The following CSMD1 variants were observed in gnomAD, a reference collection of about 807,000 sequenced individuals.
CSMD1 encodes CUB and Sushi multiple domains 1.
In CSMD1, 213 loss-of-function variants were observed where a neutral mutation model predicts 417.5. The ratio of observed to expected loss-of-function variants is 0.51; its 90% CI spans 0.46 to 0.57. The LOEUF (loss-of-function observed/expected upper bound fraction) is 0.57. Among genes scored for constraint, CSMD1 ranks in the 20% least tolerant of loss-of-function variants. The pLI is 0.00. For missense variants in CSMD1, 6,923 were observed against 4,529.7 expected, an observed-to-expected ratio of 1.53 and a Z score of -15.17; for synonymous variants, 2,862 against 1,736.8, an observed-to-expected ratio of 1.65 and a Z score of -16.11.
At chr8:4,701,741 T>C (rs1403279807) in intron 1 of CSMD1, among the ~76,000 whole-genome samples, 4 of 149,488 alleles carry the variant, frequency 2.7e-5, no homozygotes, top group Admixed American at 2.0e-4. Flanking sequence ...TCTAAACACT[T>C]TTAAGTGTTA....
chr8:3,351,167 T>C (rs76461724), intron 21 of CSMD1, among the ~76,000 whole-genome samples: 3,636 of 152,354 alleles, frequency 0.024, 75 homozygotes, highest in East Asian at 0.081. Context: ...ATTTATTCAA[T>C]ATGTAGCTAT....
intron 5 of CSMD1, among the ~76,000 whole-genome samples, chr8:3,859,470 T>G (rs1804540764): frequency 6.6e-6 from 1 of 152,222 alleles, no homozygotes; most frequent in South Asian, 2.1e-4. Flanking sequence ...GCTTGGTTTC[T>G]GGGAGGAGAA....
intron 5 of CSMD1, among the ~76,000 whole-genome samples, chr8:3,945,178 C>CA (rs138900503): frequency 0.047 from 5,593 of 118,814 alleles, 189 homozygotes; most frequent in East Asian, 0.13. Flanking sequence ...ATGAGAAAGA[C>CA]AAAAAAAAAA....
intron 3 of CSMD1, among the ~76,000 whole-genome samples, chr8:4,172,106 C>A (rs186799790): frequency 6.6e-6 from 1 of 151,942 alleles, no homozygotes; most frequent in Non-Finnish European, 1.5e-5. Flanking sequence ...GTTTATCATG[C>A]GGATCATTTC....
chr8:4,447,094 G>A (rs987890577), intron 2 of CSMD1, among the ~76,000 whole-genome samples: 6 of 152,038 alleles, frequency 3.9e-5, no homozygotes, highest in Admixed American at 2.6e-4. Flanking sequence ...GCGTCTCTTT[G>A]GGAAAAGGTA....
At chr8:4,178,627 G>A (rs1307767515) in intron 3 of CSMD1, among the ~76,000 whole-genome samples, 1 of 151,980 alleles carries the variant, frequency 6.6e-6, no homozygotes, top group Non-Finnish European at 1.5e-5. Context: ...ATTAGGAAAA[G>A]AGGAAGTCAA....
intron 7 of CSMD1, among the ~76,000 whole-genome samples, chr8:3,692,050 C>T (rs1800276485): frequency 6.6e-6 from 1 of 152,164 alleles, no homozygotes; most frequent in East Asian, 1.9e-4. Context: ...CAGCGATCTG[C>T]CTGCTCCGGG....
At chr8:3,109,358 C>T (rs557139653) in intron 43 of CSMD1, among the ~76,000 whole-genome samples, 1 of 152,314 alleles carries the variant, frequency 6.6e-6, no homozygotes, top group South Asian at 2.1e-4. Context: ...GCATGGCCAA[C>T]CACAGAATGC....
At chr8:4,462,772 A>G (rs1211975799) in intron 2 of CSMD1, among the ~76,000 whole-genome samples, 1 of 152,170 alleles carries the variant, frequency 6.6e-6, no homozygotes, top group East Asian at 1.9e-4. Flanking sequence ...CAGACAACTG[A>G]GTATCCACAA....
intron 5 of CSMD1, among the ~76,000 whole-genome samples, chr8:3,764,739 CTTTTTTT>C (rs66603480): frequency 1.2e-4 from 16 of 129,772 alleles, no homozygotes; most frequent in Non-Finnish European, 2.6e-4. Context: ...TTTTCTCTTT[CTTTTTTT>C]TTTTTTTTTT....
intron 3 of CSMD1, among the ~76,000 whole-genome samples, chr8:4,067,088 G>T (rs1799291547): frequency 6.6e-6 from 1 of 152,196 alleles, no homozygotes. Context: ...CACAGAGAAG[G>T]GTACAAGGCT....
intron 2 of CSMD1, among the ~76,000 whole-genome samples, chr8:4,628,939 CTG>C (rs1478686863): frequency 6.6e-6 from 1 of 152,152 alleles, no homozygotes; most frequent in Non-Finnish European, 1.5e-5. Flanking sequence ...CACTCTGATA[CTG>C]TGTTTATTCT....
chr8:4,426,000 T>G (rs1182735096), intron 2 of CSMD1, among the ~76,000 whole-genome samples: 1 of 151,904 alleles, frequency 6.6e-6, no homozygotes, highest in African/African-American at 2.4e-5. Context: ...AGGTATACAT[T>G]AAACATTTTA....
At chr8:4,595,764 C>A (rs189803892) in intron 2 of CSMD1, among the ~76,000 whole-genome samples, 4 of 152,288 alleles carry the variant, frequency 2.6e-5, no homozygotes, top group South Asian at 4.2e-4. Context: ...AAATGCCATT[C>A]TTATCTCATT....
chr8:3,610,879 C>A (rs1158213222), intron 8 of CSMD1, among the ~76,000 whole-genome samples: 1 of 151,998 alleles, frequency 6.6e-6, no homozygotes, highest in Non-Finnish European at 1.5e-5. Flanking sequence ...CACTGAGTTG[C>A]CTTTTCCATT....
chr8:4,234,602 T>A (rs1189583996), intron 3 of CSMD1, among the ~76,000 whole-genome samples: 1 of 152,208 alleles, frequency 6.6e-6, no homozygotes, highest in East Asian at 1.9e-4. Context: ...TGTTTGTATT[T>A]ACACTTTATT....
chr8:4,807,430 T>C (rs1483175638), intron 1 of CSMD1, among the ~76,000 whole-genome samples: 2 of 152,032 alleles, frequency 1.3e-5, no homozygotes, highest in African/African-American at 4.8e-5. Flanking sequence ...CTCACAAAAA[T>C]GAAAGACTCA....
At chr8:4,326,487 G>A (rs539503636) in intron 3 of CSMD1, among the ~76,000 whole-genome samples, 88 of 152,106 alleles carry the variant, frequency 5.8e-4, no homozygotes, top group Non-Finnish European at 1.1e-3. Flanking sequence ...AGTATCAAGA[G>A]GAGATAGGAA....
chr8:4,733,714 C>A (rs1452478909), intron 1 of CSMD1, among the ~76,000 whole-genome samples: 1 of 152,102 alleles, frequency 6.6e-6, no homozygotes, highest in Non-Finnish European at 1.5e-5. Flanking sequence ...TATGACTTAA[C>A]AAAGAAGTAT....
Sources: allele counts gnomAD v4.1 joint callset (sites outside exome capture counted in the v4.1 genomes callset), GRCh38; gene constraint gnomAD v4.1.1; transcripts MANE v1.5; gene names NCBI Gene and HGNC (gene_info 2026-07-23, HGNC 2026-07-21).